Variants in RAB8B observed in about 807,000 individuals in gnomAD.
RAB8B encodes the protein RAB8B, member RAS oncogene family.
A neutral mutation model predicts 32.0 loss-of-function variants in RAB8B; 11 were observed. That is an observed-to-expected ratio of 0.34 (90% CI 0.22 to 0.57). The LOEUF is 0.57. Ranked by LOEUF, RAB8B falls within the 20% of genes least tolerant of loss-of-function variation. The probability of loss-of-function intolerance (pLI) is 0.86; values close to 1 mark genes in which losing one functional copy is unlikely to be tolerated. For synonymous variants in RAB8B, 103 were observed against 89.6 expected (o/e 1.15, Z -0.85); for missense variants, 190 against 258.5 (o/e 0.73, Z 1.82).
intron 1 of RAB8B, among the ~76,000 whole-genome samples, chr15:63,239,787 T>A (rs1239942226): frequency 6.6e-6 from 1 of 152,156 alleles, no homozygotes; most frequent in Non-Finnish European, 1.5e-5. Context: ...TACCTACCCT[T>A]TAATTTAGTT....
intron 1 of RAB8B, among the ~76,000 whole-genome samples, chr15:63,237,914 G>A (rs1420300366): frequency 6.6e-6 from 1 of 152,016 alleles, no homozygotes; most frequent in East Asian, 1.9e-4. Context: ...TTTTGTATAT[G>A]GCAAGAGGTG....
intron 1 of RAB8B, among the ~76,000 whole-genome samples, chr15:63,220,034 T>G (rs1338352523): frequency 3.3e-5 from 5 of 152,248 alleles, no homozygotes; most frequent in South Asian, 2.1e-4. Context: ...AAACTATGGT[T>G]TCTGAAGAAA....
At chr15:63,205,266 C>T (rs2037688666) in intron 1 of RAB8B, among the ~76,000 whole-genome samples, 2 of 152,212 alleles carry the variant, frequency 1.3e-5, no homozygotes, top group Non-Finnish European at 2.9e-5. Flanking sequence ...CGCCATTGCA[C>T]TCCAGCCTGG....
At chr15:63,204,412 A>G (rs1298771112) in intron 1 of RAB8B, among the ~76,000 whole-genome samples, 1 of 152,160 alleles carries the variant, frequency 6.6e-6, no homozygotes, top group Non-Finnish European at 1.5e-5. Context: ...CTCTCAGGGC[A>G]TCTTGAATTC....
chr15:63,245,250 G>A lies in RAB8B; in HGVS notation c.185+434G>A, dbSNP rs76662091. On this transcript the variant is annotated intron_variant, in intron 2 of 7. Coordinates refer to ENST00000321437, the MANE Select transcript of RAB8B (RefSeq NM_016530.3). ...TTGGGCCAGTTATTTCCCTTCTCAGGGTCTCACCTTTTCCTCGTTTGTAAA... is the reference window on the plus strand; with the variant it reads ...TTGGGCCAGTTATTTCCCTTCTCAGAGTCTCACCTTTTCCTCGTTTGTAAA... 9.2e-3 allele frequency among the ~76,000 whole-genome samples: 1,394 copies of A among 152,172 alleles called. 35 individuals carry two copies. Among genetic ancestry groups the A allele is most frequent in the African/African-American group, 0.03 (1,257 of 41,522 alleles).
At chr15:63,208,216 A>G (rs1011215554) in intron 1 of RAB8B, among the ~76,000 whole-genome samples, 1 of 151,656 alleles carries the variant, frequency 6.6e-6, no homozygotes, top group South Asian at 2.1e-4. Context: ...GGAATCCTAA[A>G]CTCTAACCCA....
At chr15:63,229,189 T>A (rs1245428554) in intron 1 of RAB8B, among the ~76,000 whole-genome samples, 1 of 152,084 alleles carries the variant, frequency 6.6e-6, no homozygotes, top group Non-Finnish European at 1.5e-5. Context: ...CATTGGGAAA[T>A]AAGGGGTGGG....
chr15:63,212,889 G>T (rs2037759852), intron 1 of RAB8B, among the ~76,000 whole-genome samples: 1 of 152,204 alleles, frequency 6.6e-6, no homozygotes, highest in Admixed American at 6.5e-5. Context: ...TGAGAACCAT[G>T]ATATAATTTT....
intron 1 of RAB8B, among the ~76,000 whole-genome samples, chr15:63,202,795 TC>T (rs1368650269): frequency 6.6e-6 from 1 of 152,246 alleles, no homozygotes; most frequent in African/African-American, 2.4e-5. Flanking sequence ...GGCAAAGTTT[TC>T]CTCGCAGACA....
intron 1 of RAB8B, among the ~76,000 whole-genome samples, chr15:63,204,058 G>A (rs1235886849): frequency 6.6e-6 from 1 of 152,024 alleles, no homozygotes; most frequent in African/African-American, 2.4e-5. Flanking sequence ...GGCCTATCAC[G>A]CAGTCAGGCT....
intron 4 of RAB8B, 117 bp downstream of exon 4, chr15:63,255,701 C>A: frequency 1.3e-6 from 1 of 769,162 alleles, no homozygotes; most frequent in Non-Finnish European, 2.2e-6. Flanking sequence ...GCAGGTTGGG[C>A]CCTCTCTCTC....
At chr15:63,251,161 G>C in intron 3 of RAB8B, 1 of 414,532 alleles carries the variant, frequency 2.4e-6, no homozygotes, top group Non-Finnish European at 4.7e-6. Context: ...ATTGTGAAGG[G>C]TCATCATTTT....
intron 1 of RAB8B, among the ~76,000 whole-genome samples, chr15:63,243,047 A>G (rs2038045204): frequency 6.6e-6 from 1 of 152,254 alleles, no homozygotes; most frequent in Non-Finnish European, 1.5e-5. Context: ...TGGGGATGAT[A>G]GAAGACAGTG....
intron 1 of RAB8B, among the ~76,000 whole-genome samples, chr15:63,232,714 A>G (rs1476027125): frequency 6.6e-6 from 1 of 152,132 alleles, no homozygotes; most frequent in African/African-American, 2.4e-5. Context: ...TTTAAGGGCA[A>G]GTTATATTTG....
intron 1 of RAB8B, among the ~76,000 whole-genome samples, chr15:63,204,589 C>T (rs754288927): frequency 1.3e-5 from 2 of 152,118 alleles, no homozygotes; most frequent in Non-Finnish European, 2.9e-5. Context: ...AGTTTGTTTG[C>T]ATACATGAAT....
intron 1 of RAB8B, among the ~76,000 whole-genome samples, chr15:63,240,749 G>C (rs1332856270): frequency 1.4e-5 from 2 of 147,838 alleles, no homozygotes; most frequent in Non-Finnish European, 3.0e-5. Context: ...TGAAAAGATG[G>C]CTAAGTGTCA....
At chr15:63,197,283 T>C (rs2037608368) in intron 1 of RAB8B, among the ~76,000 whole-genome samples, 1 of 151,470 alleles carries the variant, frequency 6.6e-6, no homozygotes, top group African/African-American at 2.4e-5. Context: ...ATGATCATTT[T>C]ATAGTTTAAA....
At chr15:63,250,358 T>A (rs995492043) in intron 3 of RAB8B, among the ~76,000 whole-genome samples, 5 of 152,136 alleles carry the variant, frequency 3.3e-5, no homozygotes, top group African/African-American at 1.2e-4. Flanking sequence ...TATACTCTCT[T>A]GTCATTCAGC....
chr15:63,258,963 T>C (rs1324385170), intron 5 of RAB8B, among the ~76,000 whole-genome samples: 1 of 152,146 alleles, frequency 6.6e-6, no homozygotes, highest in African/African-American at 2.4e-5. Flanking sequence ...GTTTTTCTTT[T>C]GATTTAGTTC....
Sources: allele counts gnomAD v4.1 joint callset (sites outside exome capture counted in the v4.1 genomes callset), GRCh38; gene constraint gnomAD v4.1.1; transcripts MANE v1.5; gene names NCBI Gene and HGNC (gene_info 2026-07-23, HGNC 2026-07-21).